Variants in TNPO3 observed in about 807,000 individuals in gnomAD.
The protein encoded by TNPO3 is transportin-3.
A neutral mutation model predicts 122.8 loss-of-function variants in TNPO3; 65 were observed. The ratio of observed to expected loss-of-function variants is 0.53; its 90% confidence interval spans 0.43 to 0.65. The LOEUF is 0.65. Among genes scored for constraint, TNPO3 ranks in the 30% least tolerant of loss-of-function variants. TNPO3 has a pLI of 0.00. For synonymous variants in TNPO3, 372 were observed against 411.2 expected (o/e 0.90, Z 1.15); for missense variants, 850 against 1,136.7 (o/e 0.75, Z 3.63).
chr7:129,053,111 G>A (rs780489566), intron 1 of TNPO3, among the ~76,000 whole-genome samples: 3 of 152,130 alleles, frequency 2.0e-5, no homozygotes, highest in Non-Finnish European at 4.4e-5. Context: ...GATCACCTGA[G>A]GTCGGAGTTA....
chr7:128,985,095 TA>T (rs1800010319), intron 12 of TNPO3, among the ~76,000 whole-genome samples: 1 of 152,126 alleles, frequency 6.6e-6, no homozygotes, highest in Non-Finnish European at 1.5e-5. Flanking sequence ...ACCTTGAATA[TA>T]AATGTTTTCA....
chr7:129,050,769 A>G (rs1394368189), intron 1 of TNPO3, among the ~76,000 whole-genome samples: 2 of 152,216 alleles, frequency 1.3e-5, no homozygotes, highest in Non-Finnish European at 2.9e-5. Context: ...CTGACTAGAG[A>G]ACTCAAGGTA....
chr7:128,963,368 T>C (rs1797648768), intron 21 of TNPO3, among the ~76,000 whole-genome samples: 1 of 152,210 alleles, frequency 6.6e-6, no homozygotes, highest in Non-Finnish European at 1.5e-5. Context: ...TAACCAGCAC[T>C]GAATGGAATA....
At chr7:129,025,641 G>A (rs774325973) in intron 1 of TNPO3, among the ~76,000 whole-genome samples, 1 of 151,970 alleles carries the variant, frequency 6.6e-6, no homozygotes, top group Non-Finnish European at 1.5e-5. Flanking sequence ...TCAAACTTCT[G>A]GGTTCAAGCA....
intron 21 of TNPO3, among the ~76,000 whole-genome samples, chr7:128,958,390 G>T (rs564616974): frequency 2.8e-4 from 42 of 152,132 alleles, no homozygotes; most frequent in African/African-American, 9.9e-4. Context: ...TGATCCGCCC[G>T]CCTCGGCCTC....
intron 18 of TNPO3, among the ~76,000 whole-genome samples, chr7:128,972,843 A>G (rs1798627489): frequency 6.6e-6 from 1 of 152,134 alleles, no homozygotes; most frequent in Non-Finnish European, 1.5e-5. Context: ...CCTAATGTAA[A>G]CTATGGACTT....
intron 19 of TNPO3, 48 bp downstream of exon 19, chr7:128,972,378 T>C: frequency 6.4e-7 from 1 of 1,569,992 alleles, no homozygotes; most frequent in Non-Finnish European, 8.7e-7. Context: ...GACAAAGAGA[T>C]AGGAGATAAA....
chr7:129,003,672 G>C (rs1802256121), intron 5 of TNPO3, among the ~76,000 whole-genome samples: 1 of 151,928 alleles, frequency 6.6e-6, no homozygotes, highest in Admixed American at 6.6e-5. Flanking sequence ...CTGACTCCCT[G>C]TGACACTCCC....
At chr7:128,982,129 G>A in intron 14 of TNPO3, 119 bp downstream of exon 14, 1 of 768,132 alleles carries the variant, frequency 1.3e-6, no homozygotes, top group Non-Finnish European at 2.0e-6. Context: ...GGCTTAATTA[G>A]TCTCCAAACA....
In TNPO3 at chr7:128,993,484, G is replaced by A. The variant is rs1050499569; in HGVS notation, c.1266+323C>T. 2.0e-5 allele frequency among the ~76,000 whole-genome samples: 3 copies of A among 152,256 alleles called. 1 individual carries two copies. The South Asian group carries it at 6.2e-4, about 32-fold the overall frequency. On this transcript the variant is annotated intron_variant, in intron 9 of 22. Transcript: ENST00000265388. ...CAGAAACACTTGCCTATTGTTCCTG[G>A]CTAGGTCCAAATTCCCTATAAGTAT...
At chr7:128,981,973 G>C (rs1045269895) in intron 14 of TNPO3, among the ~76,000 whole-genome samples, 2 of 152,102 alleles carry the variant, frequency 1.3e-5, no homozygotes, top group African/African-American at 4.8e-5. Context: ...CAAGCAATCT[G>C]TCTGCTTTGG....
chr7:129,053,095 C>T (rs1371293528), intron 1 of TNPO3, among the ~76,000 whole-genome samples: 2 of 152,144 alleles, frequency 1.3e-5, no homozygotes, highest in East Asian at 1.9e-4. Context: ...GAGGCCGAGG[C>T]GGGCGGATCA....
At chr7:129,024,678 T>A (rs1316992381) in intron 1 of TNPO3, among the ~76,000 whole-genome samples, 6 of 151,906 alleles carry the variant, frequency 3.9e-5, no homozygotes, top group Admixed American at 3.9e-4. Context: ...ATCAGCAAAA[T>A]CCACTGTGGG....
chr7:129,050,126 G>A (rs1446080062), intron 1 of TNPO3, among the ~76,000 whole-genome samples: 1 of 151,970 alleles, frequency 6.6e-6, no homozygotes, highest in East Asian at 1.9e-4. Flanking sequence ...ACTCATGCCT[G>A]TAATCCCAGC....
chr7:128,968,390 T>C (rs1798132994), intron 20 of TNPO3, among the ~76,000 whole-genome samples: 2 of 152,194 alleles, frequency 1.3e-5, no homozygotes, highest in African/African-American at 4.8e-5. Context: ...CTCCCTTTAC[T>C]TCCTTCCTTT....
intron 16 of TNPO3, among the ~76,000 whole-genome samples, chr7:128,977,117 A>G (rs1007578861): frequency 6.6e-6 from 1 of 152,198 alleles, no homozygotes; most frequent in African/African-American, 2.4e-5. Flanking sequence ...CTGACTATCA[A>G]TTGCTGGCTC....
chr7:128,959,562 A>AT (rs924985068), intron 21 of TNPO3, among the ~76,000 whole-genome samples: 3 of 152,184 alleles, frequency 2.0e-5, no homozygotes, highest in African/African-American at 7.2e-5. Context: ...TGAAACTGAA[A>AT]TGCAAGTGTG....
intron 11 of TNPO3, among the ~76,000 whole-genome samples, chr7:128,989,503 A>T (rs1039813344): frequency 6.6e-6 from 1 of 152,234 alleles, no homozygotes; most frequent in African/African-American, 2.4e-5. Flanking sequence ...AAGGACACCC[A>T]GAGGTTATAT....
intron 21 of TNPO3, among the ~76,000 whole-genome samples, chr7:128,965,214 T>C (rs1240762275): frequency 6.6e-6 from 1 of 152,148 alleles, no homozygotes; most frequent in Non-Finnish European, 1.5e-5. Flanking sequence ...ATCCCAAATA[T>C]AAAAGGAACT....
Sources: allele counts gnomAD v4.1 joint callset (sites outside exome capture counted in the v4.1 genomes callset), GRCh38; gene constraint gnomAD v4.1.1; transcripts MANE v1.5; gene names NCBI Gene and HGNC (gene_info 2026-07-23, HGNC 2026-07-21).